The following TCF12 variants were observed in gnomAD, a reference collection of about 807,000 sequenced individuals.
TCF12 encodes the protein transcription factor 12, also known as DNA-binding protein HTF4.
Under a neutral mutation model 86.0 loss-of-function variants are expected in TCF12, and 45 were observed. That is an observed-to-expected ratio of 0.52 (90% CI 0.41 to 0.67). TCF12 has a LOEUF of 0.67. Among genes scored for constraint, TCF12 ranks in the 30% least tolerant of loss-of-function variants. The probability of loss-of-function intolerance (pLI) is 0.00; values close to 1 mark genes in which losing one functional copy is unlikely to be tolerated. For missense variants in TCF12, 881 were observed against 859.9 expected (o/e 1.02, Z -0.31); for synonymous variants, 330 against 299.6 (o/e 1.10, Z -1.05).
At chr15:57,043,099 A>C (rs2141471939) in intron 3 of TCF12, among the ~76,000 whole-genome samples, 1 of 152,306 alleles carries the variant, frequency 6.6e-6, no homozygotes. Flanking sequence ...TTTTAAGGCT[A>C]AATAATATTT....
intron 3 of TCF12, among the ~76,000 whole-genome samples, chr15:56,945,364 T>A (rs1050618362): frequency 3.9e-5 from 6 of 152,174 alleles, no homozygotes; most frequent in Non-Finnish European, 7.4e-5. Context: ...TTTGTGTATA[T>A]TCAGGTATTC....
chr15:56,944,201 C>A (rs2060898956), intron 3 of TCF12, among the ~76,000 whole-genome samples: 1 of 151,976 alleles, frequency 6.6e-6, no homozygotes, highest in South Asian at 2.1e-4. Flanking sequence ...TTCCATAGGG[C>A]CATATTATAA....
intron 6 of TCF12, among the ~76,000 whole-genome samples, chr15:57,175,443 G>A (rs1316281945): frequency 1.3e-5 from 2 of 152,180 alleles, no homozygotes; most frequent in Non-Finnish European, 2.9e-5. Flanking sequence ...TAAGTACAGT[G>A]AATTAGCAAG....
At chr15:57,086,780 C>CT (rs1211982779) in intron 4 of TCF12, among the ~76,000 whole-genome samples, 2 of 144,958 alleles carry the variant, frequency 1.4e-5, no homozygotes, top group Non-Finnish European at 3.0e-5. Flanking sequence ...ACAGTGGTTT[C>CT]TTTTTTTTAA....
intron 8 of TCF12, among the ~76,000 whole-genome samples, chr15:57,210,509 A>C (rs1475080075): frequency 6.6e-6 from 1 of 152,116 alleles, no homozygotes; most frequent in Non-Finnish European, 1.5e-5. Context: ...TTCTATTTAC[A>C]TGGACAGTGT....
At chr15:57,152,872 A>C (rs1168360109) in intron 5 of TCF12, among the ~76,000 whole-genome samples, 5 of 151,984 alleles carry the variant, frequency 3.3e-5, no homozygotes, top group African/African-American at 7.2e-5. Flanking sequence ...ACACACACAC[A>C]CCACACATAT....
At position 57,231,231 on chromosome 15, in the gene TCF12, T is replaced by C; in HGVS notation, c.659T>C (p.Met220Thr). ...CCATCTCCTAAGCCACCAACCAGTATGTTCGCTAGCACTTTCTTTATGCAA... is the reference window on the plus strand; with the variant it reads ...CCATCTCCTAAGCCACCAACCAGTACGTTCGCTAGCACTTTCTTTATGCAA... ...SYPSPKPPTS[M>T]FASTFFMQDG... Residue 220 changes from methionine to threonine, a missense_variant, in exon 9 of 21, where the codon ATG becomes ACG. Around this residue, in one of 3 missense-constraint regions of TCF12, gnomAD observed 766 missense variants for 718.9 expected, o/e 1.07. Transcript: ENST00000333725. 6.2e-7 allele frequency: 1 copy of C among 1,612,948 alleles called. No homozygotes were observed.
At chr15:56,943,585 A>T (rs2060874230) in intron 3 of TCF12, among the ~76,000 whole-genome samples, 1 of 152,216 alleles carries the variant, frequency 6.6e-6, no homozygotes, top group Non-Finnish European at 1.5e-5. Context: ...AAAAGGAAAC[A>T]GGCTTCAGGA....
chr15:56,929,541 T>G (rs1202799464), intron 3 of TCF12, among the ~76,000 whole-genome samples: 1 of 152,128 alleles, frequency 6.6e-6, no homozygotes, highest in Non-Finnish European at 1.5e-5. Context: ...GTTAAAAATG[T>G]GCTCTCATAA....
At chr15:57,265,070 TAGTATAGTATAGTATAGTA>T (rs1287998870) in intron 18 of TCF12, among the ~76,000 whole-genome samples, 6 of 4,964 alleles carry the variant, frequency 1.2e-3, no homozygotes, top group Non-Finnish European at 0.011. Context: ...TAATGATAAA[TAGTATAGTATAGTATAGTA>T]TAGTATAGTA....
At chr15:57,020,765 T>C (rs1341126943) in intron 3 of TCF12, among the ~76,000 whole-genome samples, 1 of 150,992 alleles carries the variant, frequency 6.6e-6, no homozygotes, top group African/African-American at 2.4e-5. Flanking sequence ...ATTTTGGGAC[T>C]ATGTGTAGGT....
intron 5 of TCF12, among the ~76,000 whole-genome samples, chr15:57,114,669 G>A (rs2050720936): frequency 6.6e-6 from 1 of 152,080 alleles, no homozygotes; most frequent in Non-Finnish European, 1.5e-5. Context: ...GAAAGGGTTA[G>A]CCATTGTAAG....
chr15:57,232,233 T>G, intron 9 of TCF12, 58 bp from the exon 10 acceptor site: 2 of 1,602,054 alleles, frequency 1.2e-6, no homozygotes, highest in Non-Finnish European at 1.7e-6. Context: ...ATAAGCAACA[T>G]CAAAATACAA....
chr15:56,940,610 T>TCTTCTCCCTCTCCTC (rs1567136585), intron 3 of TCF12, among the ~76,000 whole-genome samples: 13 of 146,444 alleles, frequency 8.9e-5, no homozygotes, highest in African/African-American at 3.3e-4. Context: ...TTCTCCTCCT[T>TCTTCTCCCTCTCCTC]CTTCTCCCTC....
At chr15:56,959,221 A>G (rs1416132870) in intron 3 of TCF12, among the ~76,000 whole-genome samples, 1 of 152,234 alleles carries the variant, frequency 6.6e-6, no homozygotes, top group Non-Finnish European at 1.5e-5. Flanking sequence ...AACATTTACT[A>G]TGAGCCTGGC....
At chr15:57,050,186 C>T (rs755156682) in intron 3 of TCF12, among the ~76,000 whole-genome samples, 20 of 152,132 alleles carry the variant, frequency 1.3e-4, no homozygotes, top group Admixed American at 5.2e-4. Flanking sequence ...TGAACAATCA[C>T]GTGCATTTTA....
At chr15:57,132,558 C>T in intron 5 of TCF12, among the ~76,000 whole-genome samples, 1 of 152,278 alleles carries the variant, frequency 6.6e-6, no homozygotes, top group East Asian at 1.9e-4. Flanking sequence ...CTAATGGAAT[C>T]TAAGGACCTT....
intron 3 of TCF12, among the ~76,000 whole-genome samples, chr15:56,985,890 C>T (rs996668959): frequency 6.6e-6 from 1 of 152,026 alleles, no homozygotes; most frequent in Non-Finnish European, 1.5e-5. Flanking sequence ...CCAACAGGAC[C>T]AACTGTGAGG....
At chr15:56,961,130 A>G (rs868401189) in intron 3 of TCF12, among the ~76,000 whole-genome samples, 1 of 146,426 alleles carries the variant, frequency 6.8e-6, no homozygotes, top group Non-Finnish European at 1.5e-5. Flanking sequence ...CTGTCTCAAA[A>G]AAAAAAAAAA....
Sources: gnomAD v4.1 joint callset for allele counts (sites outside exome capture counted in the v4.1 genomes callset) on GRCh38, gnomAD v4.1.1 for gene constraint, gnomAD v4.1.1 regional missense constraint, MANE v1.5 for transcripts, NCBI Gene and HGNC (gene_info 2026-07-23, HGNC 2026-07-21) for gene names.